PRKDC: variants seen among roughly 807,000 people sequenced by gnomAD.
PRKDC encodes the protein protein kinase, DNA-activated, catalytic subunit.
A neutral mutation model predicts 486.9 loss-of-function variants in PRKDC; 82 were observed. The ratio of observed to expected loss-of-function variants is 0.17; its 90% CI spans 0.14 to 0.20. The LOEUF (loss-of-function observed/expected upper bound fraction) is 0.20, where lower values mean the gene tolerates loss of function less well. PRKDC is among the 10% of genes least tolerant of loss of function. The pLI is 1.00. For synonymous variants in PRKDC, 1,895 were observed against 1,837.0 expected, an observed-to-expected ratio of 1.03 and a Z score of -0.81; for missense variants, 4,504 against 5,038.2, an observed-to-expected ratio of 0.89 and a Z score of 3.21.
At chr8:47,883,567 T>C (rs1330609910) in intron 36 of PRKDC, among the ~76,000 whole-genome samples, 5 of 152,162 alleles carry the variant, frequency 3.3e-5, no homozygotes, top group African/African-American at 1.2e-4. Flanking sequence ...GAATCCCTAG[T>C]CTCCTCCTCT....
intron 19 of PRKDC, 68 bp downstream of exon 19, chr8:47,929,024 A>C: frequency 1.7e-6 from 2 of 1,193,974 alleles, no homozygotes; most frequent in Non-Finnish European, 2.4e-6. Flanking sequence ...GATCACTAGG[A>C]TTTTTTCAAT....
chr8:47,924,053 T>C (rs1589795836), intron 21 of PRKDC, among the ~76,000 whole-genome samples: 1 of 152,250 alleles, frequency 6.6e-6, no homozygotes, highest in African/African-American at 2.4e-5. Context: ...ACATGCTCAC[T>C]GCTTCCTATT....
At chr8:47,948,945 T>C (rs2090582357) in intron 7 of PRKDC, among the ~76,000 whole-genome samples, 1 of 152,238 alleles carries the variant, frequency 6.6e-6, no homozygotes, top group Admixed American at 6.5e-5. Flanking sequence ...CTTAATAGTT[T>C]AAAACAATAC....
intron 1 of PRKDC, 23 bp from the exon 2 acceptor site, chr8:47,957,454 AAGT>A: frequency 6.5e-7 from 1 of 1,543,184 alleles, no homozygotes; most frequent in East Asian, 2.4e-5. Context: ...ATAAGTAAAC[AAGT>A]TAAGAGAGTG....
Position 47,913,896 on chromosome 8 carries a change from A to G in PRKDC, c.2781+5T>C, listed in dbSNP as rs557417636. The G allele has an allele frequency of 3.1e-5, 50 of 1,590,834 alleles. No individual in the cohort carries two copies. In the Admixed American group the frequency reaches 5.1e-4, roughly 16 times the overall value. On this transcript the variant is annotated splice_donor_5th_base_variant and intron_variant, in intron 24 of 85. Transcript: ENST00000314191. ...AATAATGGGTGAAATGAAAAATAGA[A>G]GTACTTTAGTTTGTCTGTCACTGGC...
chr8:47,783,626 T>C, intron 78 of PRKDC, 116 bp downstream of exon 78: 1 of 991,824 alleles, frequency 1.0e-6, no homozygotes, highest in South Asian at 1.6e-5. Context: ...TATGCTAAAC[T>C]TGATATATCT....
intron 51 of PRKDC, among the ~76,000 whole-genome samples, chr8:47,853,272 G>C (rs954351728): frequency 2.0e-5 from 3 of 152,232 alleles, no homozygotes; most frequent in Non-Finnish European, 4.4e-5. Context: ...GCCCCAGCCA[G>C]TGACTGTCTA....
intron 7 of PRKDC, among the ~76,000 whole-genome samples, chr8:47,946,146 A>G (rs1365007519): frequency 1.3e-5 from 2 of 152,020 alleles, no homozygotes; most frequent in African/African-American, 2.4e-5. Flanking sequence ...CCTGGCCAAC[A>G]CAGTGAAACC....
chr8:47,955,844 TA>T, intron 4 of PRKDC, 29 bp downstream of exon 4: 1 of 1,500,416 alleles, frequency 6.7e-7, no homozygotes, highest in Non-Finnish European at 9.1e-7. Context: ...ATGTTTAATG[TA>T]AAATACGTGT....
chr8:47,864,786 T>C (rs1253894212), intron 40 of PRKDC, 23 bp from the exon 41 acceptor site: 2 of 1,525,162 alleles, frequency 1.3e-6, no homozygotes, highest in African/African-American at 1.4e-5. Flanking sequence ...GATAAAATTA[T>C]ATGAACATCC....
rs760474456 is a variant in PRKDC at position 47,879,572 on chromosome 8, G to A, written c.5154C>T (p.Ile1718=). 29 of 1,598,208 alleles carry A rather than the reference G, an allele frequency of 1.8e-5. No homozygotes were observed. Among genetic ancestry groups the A allele is most frequent in the African/African-American group, 4.0e-5 (3 of 74,636 alleles). Residue 1718 remains isoleucine, a synonymous_variant, in exon 39 of 86, where the codon ATC becomes ATT. Coordinates refer to ENST00000314191, the MANE Select transcript of PRKDC (RefSeq NM_006904.7). ...TGGACTGCATGGGGAAGTGAGCAAC[G>A]ATGAGCTGCTCCAGAACACGTCTAA... The part of the protein sequence containing the change: ...EELRRVLEQL[I]VAHFPMQSRE...
intron 17 of PRKDC, 39 bp from the exon 18 acceptor site, chr8:47,930,051 A>T (rs753313235): frequency 1.7e-5 from 26 of 1,538,404 alleles, no homozygotes; most frequent in Non-Finnish European, 2.3e-5. Flanking sequence ...AGAAATTTGT[A>T]TCATTCTGAT....
At position 47,831,911 on chromosome 8, in the gene PRKDC, G is replaced by A. The variant is rs773782088; in HGVS notation, c.8168C>T (p.Thr2723Met). The part of the protein sequence containing the change: ...DNKVKGAAGR[T>M]DLLRLRRRFM... ...CCGTCTGCGCAGTCGTAGTAGGTCCGTCCGGCCGGCCGCACCTGGAGAGGG... is the reference window on the plus strand; with the variant it reads ...CCGTCTGCGCAGTCGTAGTAGGTCCATCCGGCCGGCCGCACCTGGAGAGGG... Residue 2723 changes from threonine to methionine, a missense_variant, in exon 60 of 86, where the codon ACG becomes ATG. Thr to Met is a moderately conservative substitution (Grantham distance 81). This residue lies in a region of PRKDC where 1,592 missense variants were observed against 1,724.6 expected (regional missense o/e 0.92). Coordinates refer to ENST00000314191, the MANE Select transcript of PRKDC (RefSeq NM_006904.7). The A allele has an allele frequency of 1.2e-6, 2 of 1,612,502 alleles. No individual in the cohort carries two copies. Among genetic ancestry groups the A allele is most frequent in the Non-Finnish European group, 1.7e-6 (2 of 1,178,802 alleles).
chr8:47,853,463 T>C (rs1186389701), intron 51 of PRKDC, among the ~76,000 whole-genome samples: 1 of 152,134 alleles, frequency 6.6e-6, no homozygotes, highest in South Asian at 2.1e-4. Flanking sequence ...GAATCAACAC[T>C]GACTTCACAA....
At chr8:47,900,256 AT>A (rs912510370) in intron 28 of PRKDC, 116 bp downstream of exon 28, 1 of 586,046 alleles carries the variant, frequency 1.7e-6, no homozygotes, top group Non-Finnish European at 2.6e-6. Context: ...ACATTTATTA[AT>A]TTATAGAACT....
intron 32 of PRKDC, 37 bp from the exon 33 acceptor site, chr8:47,889,259 C>G (rs771457731): frequency 1.3e-6 from 2 of 1,529,002 alleles, no homozygotes; most frequent in Non-Finnish European, 1.8e-6. Context: ...CTTCGTCAGC[C>G]AGCACTTCTA....
Position 47,881,338 on chromosome 8 carries a change from A to C in PRKDC, c.5067+78T>G, listed in dbSNP as rs982311513. 7.6e-6 allele frequency: 7 copies of C among 924,004 alleles called. No homozygotes were observed. In the African/African-American group the frequency reaches 1.0e-4, roughly 13 times the overall value. 57.2% of individuals were successfully genotyped at this position (924,004 alleles called of 1,614,324 possible). ...CACGTTTGAAATTTTCCATAATAAA[A>C]AATAAAAAACATCACAAATAAAAAA... On this transcript the variant is annotated intron_variant, in intron 38 of 85. Transcript: ENST00000314191.
chr8:47,838,404 G>A (rs2088072452), intron 56 of PRKDC, among the ~76,000 whole-genome samples: 1 of 152,126 alleles, frequency 6.6e-6, no homozygotes, highest in African/African-American at 2.4e-5. Context: ...TTGAGGCCAG[G>A]CATTGAAGCC....
At chr8:47,812,634 T>C (rs755575807) in intron 68 of PRKDC, among the ~76,000 whole-genome samples, 7 of 151,988 alleles carry the variant, frequency 4.6e-5, no homozygotes, top group Admixed American at 1.3e-4. Flanking sequence ...AATGCTTATA[T>C]TAGGAGGAAG....
Sources: allele counts gnomAD v4.1 joint callset (sites outside exome capture counted in the v4.1 genomes callset), GRCh38; gene constraint gnomAD v4.1.1; regional missense constraint gnomAD v4.1.1; transcripts MANE v1.5; gene names NCBI Gene and HGNC (gene_info 2026-07-23, HGNC 2026-07-21).